STAC: variants seen among roughly 807,000 people sequenced by gnomAD.
STAC encodes the protein SH3 and cysteine rich domain, also known as SH3 and cysteine-rich domain-containing protein.
Under a neutral mutation model 48.8 loss-of-function variants are expected in STAC, and 43 were observed. That is an observed-to-expected ratio of 0.88 (90% CI 0.69 to 1.14). The LOEUF (loss-of-function observed/expected upper bound fraction) is 1.14, where lower values mean the gene tolerates loss of function less well. Among genes scored for constraint, STAC ranks in the 50% most tolerant of loss-of-function variants. STAC has a pLI of 0.00. For missense variants in STAC, 497 were observed against 504.0 expected, an observed-to-expected ratio of 0.99 and a Z score of 0.13; for synonymous variants, 193 against 179.5, an observed-to-expected ratio of 1.07 and a Z score of -0.60.
intron 1 of STAC, 133 bp downstream of exon 1, chr3:36,380,887 T>G (rs1028775072): frequency 1.5e-6 from 1 of 682,216 alleles, no homozygotes; most frequent in Admixed American, 3.1e-5. Context: ...CTGTAGGACT[T>G]GAACGTCCGG....
In STAC at chr3:36,430,882, C is replaced by T. The variant is rs576692274; in HGVS notation, c.112-12482C>T. ...ACACCAGTCAGATCGGACTAGGGTA[C>T]ACCCTAATGACATCATTTTAAACTA... On this transcript the variant is annotated intron_variant, in intron 1 of 10. Transcript: ENST00000273183. Among the ~76,000 whole-genome samples, 15 of 152,308 alleles carry T rather than the reference C, an allele frequency of 9.8e-5. No homozygotes were observed. In the South Asian group the frequency reaches 3.1e-3, roughly 32 times the overall value.
At chr3:36,455,763 GT>G (rs1696837445) in intron 2 of STAC, among the ~76,000 whole-genome samples, 2 of 67,260 alleles carry the variant, frequency 3.0e-5, no homozygotes, top group Non-Finnish European at 7.7e-5. Context: ...ACAGGCAGGT[GT>G]GTGTGTGTGT....
Position 36,547,153 on chromosome 3 carries a change from C to T in STAC, c.*864C>T, listed in dbSNP as rs1699466739. 2 of 152,324 alleles carry T rather than the reference C, an allele frequency of 1.3e-5. No homozygotes were observed. The highest frequency in any genetic ancestry group is 1.5e-5 in the Non-Finnish European group (1 of 68,040). 9.4% of individuals were successfully genotyped at this position (152,324 alleles called of 1,614,324 possible). ...AATGGACCTGGGGAAGAGACTATCA[C>T]AAAAAGTCTCCATTTTCATTTTACA... is the stretch of plus-strand genomic sequence containing the variant. On this transcript the variant is annotated 3_prime_UTR_variant, in exon 11 of 11. Coordinates refer to ENST00000273183, the MANE Select transcript of STAC (RefSeq NM_003149.3).
intron 2 of STAC, among the ~76,000 whole-genome samples, chr3:36,455,232 C>T (rs62246672): frequency 0.11 from 16,189 of 152,228 alleles, 1,160 homozygotes; most frequent in Non-Finnish European, 0.16. Flanking sequence ...TATTTTATCC[C>T]TGTTCCATCC....
chr3:36,518,718 G>A (rs1174828337), intron 8 of STAC, among the ~76,000 whole-genome samples: 1 of 152,160 alleles, frequency 6.6e-6, no homozygotes, highest in Non-Finnish European at 1.5e-5. Flanking sequence ...TCTGGAGATG[G>A]GATGGCCTGA....
At chr3:36,493,516 G>T (rs181503867) in intron 6 of STAC, among the ~76,000 whole-genome samples, 78 of 151,862 alleles carry the variant, frequency 5.1e-4, no homozygotes, top group African/African-American at 1.9e-3. Flanking sequence ...AGCTGTATTG[G>T]GGTTTAAGAG....
chr3:36,437,304 C>T (rs1208228573), intron 1 of STAC, among the ~76,000 whole-genome samples: 1 of 151,474 alleles, frequency 6.6e-6, no homozygotes, highest in African/African-American at 2.4e-5. Context: ...ATAAATCATG[C>T]TGCTATAAAG....
chr3:36,493,916 C>T (rs1464354449), intron 6 of STAC, among the ~76,000 whole-genome samples: 1 of 151,368 alleles, frequency 6.6e-6, no homozygotes, highest in Non-Finnish European at 1.5e-5. Context: ...TTTGGGAGGC[C>T]GAGGCGGGCG....
intron 8 of STAC, among the ~76,000 whole-genome samples, chr3:36,513,915 A>G (rs966243195): frequency 2.0e-5 from 3 of 152,094 alleles, no homozygotes; most frequent in Non-Finnish European, 4.4e-5. Flanking sequence ...AAGAATAAAA[A>G]GTGTGGGCAT....
intron 1 of STAC, among the ~76,000 whole-genome samples, chr3:36,399,379 G>A (rs1323651499): frequency 2.0e-5 from 3 of 152,204 alleles, no homozygotes; most frequent in African/African-American, 7.2e-5. Context: ...TTCAAAAGAA[G>A]AGTGCTGCAT....
At chr3:36,534,552 C>T (rs1053648420) in intron 10 of STAC, among the ~76,000 whole-genome samples, 1 of 152,050 alleles carries the variant, frequency 6.6e-6, no homozygotes. Flanking sequence ...TTTTCTACTT[C>T]TGGGGTTAAT....
At chr3:36,483,444 C>T (rs577431147) in intron 3 of STAC, among the ~76,000 whole-genome samples, 14 of 152,292 alleles carry the variant, frequency 9.2e-5, no homozygotes, top group Admixed American at 4.6e-4. Flanking sequence ...CCCAGGCAAA[C>T]TAATGGTTGG....
intron 6 of STAC, among the ~76,000 whole-genome samples, chr3:36,501,624 A>T (rs1575244070): frequency 6.6e-6 from 1 of 152,210 alleles, no homozygotes; most frequent in East Asian, 1.9e-4. Context: ...GAATTTTCTT[A>T]TAATATTTAT....
chr3:36,393,011 C>T (rs1161537208), intron 1 of STAC, among the ~76,000 whole-genome samples: 1 of 152,158 alleles, frequency 6.6e-6, no homozygotes, highest in Non-Finnish European at 1.5e-5. Flanking sequence ...CTTCCACCCT[C>T]TTCCATATCA....
At chr3:36,529,475 T>G (rs1163861064) in intron 10 of STAC, among the ~76,000 whole-genome samples, 1 of 152,210 alleles carries the variant, frequency 6.6e-6, no homozygotes, top group Non-Finnish European at 1.5e-5. Context: ...TAAATTTAGA[T>G]AACCAGATAC....
chr3:36,464,801 A>C (rs1268781679), intron 2 of STAC, among the ~76,000 whole-genome samples: 2 of 151,670 alleles, frequency 1.3e-5, no homozygotes, highest in Non-Finnish European at 2.9e-5. Context: ...ATGGTTGAGT[A>C]GTATTCCATG....
In STAC at chr3:36,467,484, T is replaced by C. The variant is rs189158817; in HGVS notation, c.389-15508T>C. On this transcript the variant is annotated intron_variant, in intron 2 of 10. Coordinates refer to ENST00000273183, the MANE Select transcript of STAC (RefSeq NM_003149.3). The stretch of plus-strand genomic sequence containing the variant: ...AATCTGTGCGGTTCTGGACTTTTTT[T>C]GTTGGCAATTTTTTTGTTGCCATTT... Among the ~76,000 whole-genome samples the C allele has an allele frequency of 2.0e-5, 3 of 152,288 alleles. No individual in the cohort carries two copies. The East Asian group carries it at 5.8e-4, about 29-fold the overall frequency.
At chr3:36,496,555 G>A (rs1478218314) in intron 6 of STAC, among the ~76,000 whole-genome samples, 1 of 152,216 alleles carries the variant, frequency 6.6e-6, no homozygotes, top group Non-Finnish European at 1.5e-5. Context: ...TTGGAAGGAA[G>A]TACAATTCAT....
intron 2 of STAC, among the ~76,000 whole-genome samples, chr3:36,471,266 G>T (rs1033655339): frequency 1.3e-5 from 2 of 152,142 alleles, no homozygotes; most frequent in Non-Finnish European, 1.5e-5. Context: ...AGAATAGCAA[G>T]AGAAAGACCA....
Sources: gnomAD v4.1 joint callset for allele counts (sites outside exome capture counted in the v4.1 genomes callset) on GRCh38, gnomAD v4.1.1 for gene constraint, MANE v1.5 for transcripts, NCBI Gene and HGNC (gene_info 2026-07-23, HGNC 2026-07-21) for gene names.